FBXO7: variants seen among roughly 807,000 people sequenced by gnomAD.
The protein encoded by FBXO7 is F-box only protein 7.
A neutral mutation model predicts 50.2 loss-of-function variants in FBXO7; 31 were observed. That is an observed-to-expected ratio of 0.62 (90% confidence interval 0.46 to 0.83). The LOEUF is 0.83. FBXO7 is among the 40% of genes least tolerant of loss of function. FBXO7 has a pLI of 0.00. For synonymous variants in FBXO7, 256 were observed against 253.1 expected, an observed-to-expected ratio of 1.01 and a Z score of -0.11; for missense variants, 667 against 646.6, an observed-to-expected ratio of 1.03 and a Z score of -0.34.
chr22:32,475,062 G>A lies in FBXO7; in HGVS notation c.60G>A (p.Glu20=). The A allele has an allele frequency of 6.5e-7, 1 of 1,545,890 alleles. No individual in the cohort carries two copies. Among genetic ancestry groups the A allele is most frequent in the South Asian group, 1.2e-5 (1 of 83,850 alleles). The change falls in exon 1 of 9, where the codon GAG becomes GAA. Residue 20 remains glutamate, a synonymous_variant. Transcript: ENST00000266087. ...RTWPLEVPET[E]PTLGHLRSHL... ...GGCCGCTGGAGGTGCCCGAGACGGAGCCGACGCTGGGGCATTTGCGCTCGC... is the reference window on the plus strand; with the variant it reads ...GGCCGCTGGAGGTGCCCGAGACGGAACCGACGCTGGGGCATTTGCGCTCGC...
Position 32,495,497 on chromosome 22 carries a change from T to C in FBXO7, c.1149T>C (p.Asn383=). Residue 383 remains asparagine, a synonymous_variant, in exon 8 of 9, where the codon AAT becomes AAC. Transcript: ENST00000266087. ...TTTTTCCCTTTTCCTTTGTAGACAA[T>C]ACTGTCAGAGTTCAAGACACAGATT... ...RFLYLRDFRD[N]TVRVQDTDWK... is the part of the protein sequence containing the mutation. 6.4e-7 allele frequency: 1 copy of C among 1,574,674 alleles called. No homozygotes were observed. The highest frequency in any genetic ancestry group is 8.7e-7 in the Non-Finnish European group (1 of 1,145,994).
chr22:32,495,381 T>TTTTTTC (rs1555884622), intron 7 of FBXO7, 112 bp from the exon 8 acceptor site: 3 of 609,120 alleles, frequency 4.9e-6, no homozygotes, highest in South Asian at 2.0e-5. Flanking sequence ...TTTTTTTTTT[T>TTTTTTC]TTATGCTTAA....
Position 32,498,243 on chromosome 22 carries a change from C to A in FBXO7, c.1282C>A (p.Pro428Thr). The A allele has an allele frequency of 1.2e-6, 2 of 1,614,230 alleles. No individual in the cohort carries two copies. The highest frequency in any genetic ancestry group is 2.2e-5 in the South Asian group (2 of 91,086). ...STHTIPFYPNPLHPRPFPSSR... is the reference protein window; with the variant it reads ...STHTIPFYPNTLHPRPFPSSR... ...TCACACCATTCCATTCTATCCCAAC[C>A]CCTTGCACCCTAGGCCATTTCCTAG... The change falls in exon 9 of 9, where the codon CCC (proline) becomes ACC (threonine). Residue 428 changes from proline (P) to threonine (T), a missense_variant. Transcript: ENST00000266087.
rs1456061810 is a variant in FBXO7 at position 32,479,112 on chromosome 22, C to T, written c.254C>T (p.Pro85Leu). ...CLILQDDIPA[P>L]NIPSSTDSEH... ...ATTCTTCAAGATGACATTCCAGCGC[C>T]TAATATACCTTCATCCACAGATTCA... Residue 85 changes from proline to leucine, a missense_variant, in exon 2 of 9, where the codon CCT (proline) becomes CTT (leucine). Coordinates refer to ENST00000266087, the MANE Select transcript of FBXO7 (RefSeq NM_012179.4). 1 of 1,614,046 alleles carries T rather than the reference C, an allele frequency of 6.2e-7. No homozygotes were observed. The highest frequency in any genetic ancestry group is 8.5e-7 in the Non-Finnish European group (1 of 1,180,036).
chr22:32,475,465 A>G, intron 1 of FBXO7: 1 of 1,582,908 alleles, frequency 6.3e-7, no homozygotes, highest in African/African-American at 1.4e-5. Context: ...CAATTTCCAC[A>G]ACTGGTTAGA....
chr22:32,487,126 T>A (rs774536450), intron 4 of FBXO7, among the ~76,000 whole-genome samples: 13 of 152,246 alleles, frequency 8.5e-5, no homozygotes, highest in Non-Finnish European at 1.9e-4. Context: ...GTTCCAGGAT[T>A]GATTCTTTGA....
chr22:32,498,632 G>T lies in FBXO7; in HGVS notation c.*102G>T. 1.4e-6 allele frequency: 2 copies of T among 1,404,458 alleles called. No individual in the cohort carries two copies. Among genetic ancestry groups the T allele is most frequent in the Non-Finnish European group, 9.7e-7 (1 of 1,027,222 alleles). The allele number at this position is 1,404,458 out of a possible 1,614,324, so 87.0% of individuals were successfully genotyped here. The stretch of plus-strand genomic sequence containing the variant: ...ATCTCGAGTGTTATTTTCTGATTGT[G>T]GTGTTGAGAGTTGCACTCCCAGAAA... On this transcript the variant is annotated 3_prime_UTR_variant, in exon 9 of 9. Transcript: ENST00000266087.
rs77327421 is a variant in FBXO7 at position 32,493,091 on chromosome 22, T to G, written c.968-14T>G. 4,766 of 1,613,882 alleles carry G rather than the reference T, an allele frequency of 3.0e-3. 133 individuals are homozygous for G. In the African/African-American group the frequency reaches 0.053, roughly 18 times the overall value. On this transcript the variant is annotated splice_polypyrimidine_tract_variant and intron_variant, in intron 6 of 8. Transcript: ENST00000266087. Reference sequence around the variant, plus strand: ...ACTCAGTAATACCTGTTACTTCTCTTTTTTTCCTTTTAGCACTGAACCTAC... The same window carrying G: ...ACTCAGTAATACCTGTTACTTCTCTGTTTTTCCTTTTAGCACTGAACCTAC...
rs757307611 is a variant in FBXO7 at position 32,479,102 on chromosome 22, A to G, written c.244A>G (p.Ile82Val). Residue 82 changes from isoleucine (I) to valine (V), a missense_variant, in exon 2 of 9, where the codon ATT (isoleucine) becomes GTT (valine). By Grantham distance (29) the Ile-to-Val change is conservative (BLOSUM62 3). Coordinates refer to ENST00000266087, the MANE Select transcript of FBXO7 (RefSeq NM_012179.4). Reference protein sequence around the residue: ...DLICLILQDDIPAPNIPSSTD... With the variant: ...DLICLILQDDVPAPNIPSSTD... ...GATATGTTTGATTCTTCAAGATGACATTCCAGCGCCTAATATACCTTCATC... is the reference window on the plus strand; with the variant it reads ...GATATGTTTGATTCTTCAAGATGACGTTCCAGCGCCTAATATACCTTCATC... The G allele has an allele frequency of 8.1e-6, 13 of 1,614,214 alleles. No individual in the cohort carries two copies. Among genetic ancestry groups the G allele is most frequent in the Middle Eastern group, 1.6e-4 (1 of 6,062 alleles).
chr22:32,495,703 T>C lies in FBXO7; in HGVS notation c.1182+173T>C, dbSNP rs5749452. ...ACTTTTACTTTAGACTCAATCCTTA[T>C]TATAATTATATGGAAAAAAATGTTA... On this transcript the variant is annotated intron_variant, in intron 8 of 8. Transcript: ENST00000266087. 0.13 allele frequency among the ~76,000 whole-genome samples: 19,829 copies of C among 152,176 alleles called. 1,867 individuals carry two copies. The highest frequency in any genetic ancestry group is 0.46 in the East Asian group (2,383 of 5,172).
chr22:32,482,438 T>C (rs762153146), intron 2 of FBXO7, among the ~76,000 whole-genome samples: 1 of 152,214 alleles, frequency 6.6e-6, no homozygotes, highest in African/African-American at 2.4e-5. Flanking sequence ...ACGAAACGTA[T>C]GCTTTGCATT....
chr22:32,478,362 A>AT (rs2057441791), intron 1 of FBXO7, among the ~76,000 whole-genome samples: 1 of 152,166 alleles, frequency 6.6e-6, no homozygotes, highest in East Asian at 1.9e-4. Context: ...AGCAGGGGAA[A>AT]ATGCTGTCAA....
At chr22:32,496,344 T>A (rs1247792937) in intron 8 of FBXO7, among the ~76,000 whole-genome samples, 1 of 152,016 alleles carries the variant, frequency 6.6e-6, no homozygotes, top group Admixed American at 6.6e-5. Flanking sequence ...TAGCCGGATG[T>A]GGTGGTGTGG....
intron 2 of FBXO7, among the ~76,000 whole-genome samples, chr22:32,479,522 G>C (rs757405138): frequency 1.3e-5 from 2 of 150,610 alleles, no homozygotes; most frequent in Admixed American, 6.6e-5. Context: ...TCAGCCTCCC[G>C]AGTAGCTGGG....
At chr22:32,491,994 C>T (rs1465445204) in intron 6 of FBXO7, 1 of 152,022 alleles carries the variant, frequency 6.6e-6, no homozygotes, top group African/African-American at 2.4e-5. Flanking sequence ...TGCCAGTGGC[C>T]CAATTATGTG....
Position 32,475,135 on chromosome 22 carries a change from G to T in FBXO7, c.122+11G>T. ...CACCTGGGGGTACAGGTACGCTGGG[G>T]CCGGGGCTGGGCGGCCCGCGGGGAG... On this transcript the variant is annotated intron_variant, in intron 1 of 8. Coordinates refer to ENST00000266087, the MANE Select transcript of FBXO7 (RefSeq NM_012179.4). The T allele has an allele frequency of 6.5e-7, 1 of 1,540,298 alleles. No homozygotes were observed. Among genetic ancestry groups the T allele is most frequent in the Non-Finnish European group, 8.7e-7 (1 of 1,143,846 alleles).
At position 32,476,670 on chromosome 22, in the gene FBXO7, A is replaced by G. The variant is rs144913467; in HGVS notation, c.122+1546A>G. On this transcript the variant is annotated intron_variant, in intron 1 of 8. Coordinates refer to ENST00000266087, the MANE Select transcript of FBXO7 (RefSeq NM_012179.4). ...GCTAGGATTGTCATGAAATGCTTTTATTTGTTTTGTTTTTGTTTTTTAAGA... is the reference window on the plus strand; with the variant it reads ...GCTAGGATTGTCATGAAATGCTTTTGTTTGTTTTGTTTTTGTTTTTTAAGA... Among the ~76,000 whole-genome samples the G allele has an allele frequency of 9.8e-5, 14 of 142,944 alleles. No homozygotes were observed. The East Asian group carries it at 2.1e-3, about 22-fold the overall frequency. The allele number at this position is 142,944 out of a possible 152,430, so 93.8% of individuals were successfully genotyped here.
intron 2 of FBXO7, among the ~76,000 whole-genome samples, chr22:32,480,299 C>G (rs1451033114): frequency 6.6e-6 from 1 of 152,140 alleles, no homozygotes; most frequent in Non-Finnish European, 1.5e-5. Context: ...TGGTGTCTGT[C>G]CTCCTGTACC....
At chr22:32,477,767 C>T (rs912693172) in intron 1 of FBXO7, among the ~76,000 whole-genome samples, 1 of 152,170 alleles carries the variant, frequency 6.6e-6, no homozygotes, top group East Asian at 1.9e-4. Context: ...CTTGATTTCA[C>T]GCTCATCTCT....
Sources: gnomAD v4.1 joint callset for allele counts (sites outside exome capture counted in the v4.1 genomes callset) on GRCh38, gnomAD v4.1.1 for gene constraint, MANE v1.5 for transcripts, NCBI Gene and HGNC (gene_info 2026-07-23, HGNC 2026-07-21) for gene names.